Variants in SPAG17 observed in about 807,000 individuals in gnomAD.
SPAG17 encodes sperm associated antigen 17.
Under a neutral mutation model 273.6 loss-of-function variants are expected in SPAG17, and 169 were observed. That is an observed-to-expected ratio of 0.62 (90% CI 0.55 to 0.70). The LOEUF (loss-of-function observed/expected upper bound fraction) is 0.70. SPAG17 is among the 30% of genes least tolerant of loss of function. The pLI is 0.00. For synonymous variants in SPAG17, 825 were observed against 873.2 expected (o/e 0.94, Z 0.97); for missense variants, 2,557 against 2,627.8 (o/e 0.97, Z 0.59).
intron 18 of SPAG17, among the ~76,000 whole-genome samples, chr1:118,059,512 C>A (rs1321932501): frequency 1.3e-5 from 2 of 151,976 alleles, no homozygotes; most frequent in Admixed American, 1.3e-4. Context: ...GGTAAGAACA[C>A]TTAAAATTAG....
chr1:118,172,399 AC>A (rs1206010512), intron 1 of SPAG17, among the ~76,000 whole-genome samples: 2 of 152,118 alleles, frequency 1.3e-5, no homozygotes, highest in Admixed American at 1.3e-4. Context: ...GTTGCCATAA[AC>A]TTTTTTCTGT....
chr1:118,151,452 T>C, intron 1 of SPAG17, 83 bp from the exon 2 acceptor site: 1 of 1,298,680 alleles, frequency 7.7e-7, no homozygotes, highest in Non-Finnish European at 1.0e-6. Context: ...AGAAGCAGAA[T>C]AATTTTCCTG....
At chr1:117,978,650 TC>T (rs1464936477) in intron 43 of SPAG17, among the ~76,000 whole-genome samples, 1 of 152,172 alleles carries the variant, frequency 6.6e-6, no homozygotes, top group Admixed American at 6.5e-5. Context: ...CTGCCACTAT[TC>T]TATCTATTAC....
chr1:118,073,762 G>C (rs1373754440), intron 17 of SPAG17, 92 bp downstream of exon 17: 1 of 801,802 alleles, frequency 1.2e-6, no homozygotes, highest in Non-Finnish European at 2.0e-6. Flanking sequence ...AACTAGATCT[G>C]AGAGAATGAC....
chr1:118,034,230 T>C (rs1344138369), intron 24 of SPAG17, among the ~76,000 whole-genome samples: 1 of 152,158 alleles, frequency 6.6e-6, no homozygotes, highest in Non-Finnish European at 1.5e-5. Flanking sequence ...ATTTAGTGGG[T>C]AGTTCAGATT....
chr1:118,020,835 G>A (rs963218393), intron 28 of SPAG17, among the ~76,000 whole-genome samples: 1 of 151,986 alleles, frequency 6.6e-6, no homozygotes, highest in African/African-American at 2.4e-5. Flanking sequence ...ATAGCTAATA[G>A]AATCAAAAGA....
chr1:117,999,292 G>A (rs1457259897), intron 32 of SPAG17, among the ~76,000 whole-genome samples: 4 of 152,122 alleles, frequency 2.6e-5, no homozygotes, highest in Non-Finnish European at 5.9e-5. Context: ...GTAAACATAC[G>A]TGTGCATGTA....
intron 1 of SPAG17, among the ~76,000 whole-genome samples, chr1:118,183,224 C>T (rs1661027651): frequency 6.6e-6 from 1 of 152,102 alleles, no homozygotes; most frequent in South Asian, 2.1e-4. Context: ...CATACTTGGA[C>T]ATGAGTAACA....
intron 24 of SPAG17, among the ~76,000 whole-genome samples, chr1:118,035,630 A>T (rs1240222212): frequency 1.3e-5 from 2 of 152,218 alleles, no homozygotes; most frequent in Admixed American, 6.5e-5. Context: ...GATTATAATC[A>T]TCCATTGAAA....
chr1:118,073,831 A>G (rs765789335), intron 17 of SPAG17, 23 bp downstream of exon 17: 2 of 1,517,390 alleles, frequency 1.3e-6, no homozygotes, highest in Non-Finnish European at 1.8e-6. Flanking sequence ...ACCGTCTCCT[A>G]GAGAATCACA....
rs77784164 is a variant in SPAG17, at chr1:118,141,432, G to A, written c.315+9111C>T. Reference sequence around the variant, plus strand: ...GCTCTGTCCGAAGCACAGTGTTGGGGGAGTTGCAAGTTAGTCTAATTTTAT... The same window carrying A: ...GCTCTGTCCGAAGCACAGTGTTGGGAGAGTTGCAAGTTAGTCTAATTTTAT... On this transcript the variant is annotated intron_variant, in intron 3 of 48. Coordinates refer to ENST00000336338, the MANE Select transcript of SPAG17 (RefSeq NM_206996.4). Among the ~76,000 whole-genome samples the A allele has an allele frequency of 8.1e-3, 1,237 of 152,266 alleles. 41 individuals are homozygous for A. Among genetic ancestry groups the A allele is most frequent in the Admixed American group, 0.059 (903 of 15,298 alleles).
chr1:118,080,004 T>C, intron 15 of SPAG17, among the ~76,000 whole-genome samples: 1 of 152,230 alleles, frequency 6.6e-6, no homozygotes, highest in Non-Finnish European at 1.5e-5. Flanking sequence ...GGCCTTAATA[T>C]AGGCATATAC....
rs755618739 is a variant in SPAG17 at position 118,086,918 on chromosome 1, T to C, written c.1450A>G (p.Ile484Val). 34 of 1,612,878 alleles carry C rather than the reference T, an allele frequency of 2.1e-5. No homozygotes were observed. The Admixed American group carries it at 3.4e-4, about 16-fold the overall frequency. Reference sequence around the variant, plus strand: ...CAGAGTGAGGGCAGAAGGGACACAATGTGAGCTGCGATTCTGTGGTCTAGC... The same window carrying C: ...CAGAGTGAGGGCAGAAGGGACACAACGTGAGCTGCGATTCTGTGGTCTAGC... ...DGLDHRIAAH[I>V]VSLLPSLCLS... is the part of the protein sequence containing the mutation. Residue 484 changes from isoleucine to valine, a missense_variant, in exon 11 of 49, where the codon ATT (isoleucine) becomes GTT (valine). By Grantham distance (29) the Ile-to-Val change is conservative. Coordinates refer to ENST00000336338, the MANE Select transcript of SPAG17 (RefSeq NM_206996.4).
At chr1:118,122,923 G>C (rs1262092061) in intron 3 of SPAG17, among the ~76,000 whole-genome samples, 1 of 152,160 alleles carries the variant, frequency 6.6e-6, no homozygotes, top group Non-Finnish European at 1.5e-5. Flanking sequence ...ACAGTGACCT[G>C]AATTTATTAT....
At chr1:117,957,503 C>A (rs1488842350) in intron 48 of SPAG17, among the ~76,000 whole-genome samples, 1 of 152,202 alleles carries the variant, frequency 6.6e-6, no homozygotes, top group African/African-American at 2.4e-5. Context: ...ATGTTACAAT[C>A]TTAAGATAGC....
intron 25 of SPAG17, among the ~76,000 whole-genome samples, chr1:118,031,282 A>G (rs1422541441): frequency 6.7e-6 from 1 of 150,020 alleles, no homozygotes; most frequent in Non-Finnish European, 1.5e-5. Flanking sequence ...CAACTTTACC[A>G]AATGAAACTG....
chr1:118,017,606 A>G (rs1660104616), intron 28 of SPAG17, among the ~76,000 whole-genome samples: 1 of 152,194 alleles, frequency 6.6e-6, no homozygotes, highest in Non-Finnish European at 1.5e-5. Context: ...GATTAGTTAC[A>G]TGCTTTTGGC....
chr1:118,039,577 G>A lies in SPAG17; in HGVS notation c.3167-133C>T, dbSNP rs1334386654. ...ACCAAACACTGCATGTTCTCACTTAGGAATGGCAGCTAAACATTGAGCACA... is the reference window on the plus strand; with the variant it reads ...ACCAAACACTGCATGTTCTCACTTAAGAATGGCAGCTAAACATTGAGCACA... On this transcript the variant is annotated intron_variant, in intron 22 of 48. Coordinates refer to ENST00000336338, the MANE Select transcript of SPAG17 (RefSeq NM_206996.4). 60 of 855,756 alleles carry A rather than the reference G, an allele frequency of 7.0e-5. No individual in the cohort carries two copies. In the South Asian group the frequency reaches 8.9e-4, roughly 13 times the overall value. 53.0% of individuals were successfully genotyped at this position (855,756 alleles called of 1,614,324 possible).
intron 13 of SPAG17, among the ~76,000 whole-genome samples, chr1:118,085,002 T>A (rs1654874092): frequency 6.6e-6 from 1 of 152,192 alleles, no homozygotes. Context: ...GTGCTCAGAA[T>A]TTTCTCTCAA....
Sources: gnomAD v4.1 joint callset for allele counts (sites outside exome capture counted in the v4.1 genomes callset) on GRCh38, gnomAD v4.1.1 for gene constraint, MANE v1.5 for transcripts, NCBI Gene and HGNC (gene_info 2026-07-23, HGNC 2026-07-21) for gene names.